LRP11: variants seen among roughly 807,000 people sequenced by gnomAD.
The protein encoded by LRP11 is LDL receptor related protein 11.
LRP11 carries 25 observed loss-of-function variants against 43.1 expected under a neutral mutation model. The observed-to-expected ratio is 0.58, with a 90% CI of 0.42 to 0.81. LRP11 has a LOEUF of 0.81. LRP11 is among the 30% of genes least tolerant of loss of function. The probability of loss-of-function intolerance (pLI) is 0.00; values close to 1 mark genes in which losing one functional copy is unlikely to be tolerated. For synonymous variants in LRP11, 316 were observed against 299.4 expected (o/e 1.06, Z -0.57); for missense variants, 623 against 665.1 (o/e 0.94, Z 0.70).
At chr6:149,833,180 G>A (rs534596382) in intron 5 of LRP11, among the ~76,000 whole-genome samples, 11 of 152,076 alleles carry the variant, frequency 7.2e-5, no homozygotes, top group Admixed American at 2.6e-4. Context: ...CTCATGATCC[G>A]CCCACCTCGG....
At chr6:149,859,396 A>ATATATATATATT in intron 1 of LRP11, among the ~76,000 whole-genome samples, 8 of 71,496 alleles carry the variant, frequency 1.1e-4, no homozygotes, top group Admixed American at 5.1e-4. Context: ...ATATATATAT[A>ATATATATATATT]TTTTTTTTTT....
chr6:149,853,082 C>A lies in LRP11; in HGVS notation c.692G>T (p.Gly231Val). Residue 231 changes from glycine to valine, a missense_variant, in exon 2 of 7, where the codon GGC becomes GTC. By Grantham distance (109) the Gly-to-Val change is moderately radical. Coordinates refer to ENST00000239367, the MANE Select transcript of LRP11 (RefSeq NM_032832.6). ...GGCGTGGTCATCTGTGCTCTCGCGG[C>A]CGTCTAGAACCACCCCGTCTGTGGG... ...HLPTDGVVLDGRESTDDHAIV... is the reference protein window; with the variant it reads ...HLPTDGVVLDVRESTDDHAIV... 6.2e-7 allele frequency: 1 copy of A among 1,612,608 alleles called. No individual in the cohort carries two copies. Among genetic ancestry groups the A allele is most frequent in the Non-Finnish European group, 8.5e-7 (1 of 1,179,284 alleles).
chr6:149,828,455 G>A (rs1272157897), intron 5 of LRP11, among the ~76,000 whole-genome samples: 1 of 151,202 alleles, frequency 6.6e-6, no homozygotes, highest in East Asian at 1.9e-4. Flanking sequence ...ATCTCATGGT[G>A]TTGATATCCA....
chr6:149,859,392 A>ATTTTTTT (rs1379449979), intron 1 of LRP11, among the ~76,000 whole-genome samples: 40 of 76,772 alleles, frequency 5.2e-4, no homozygotes, highest in African/African-American at 3.3e-3. Flanking sequence ...ATATATATAT[A>ATTTTTTT]TATATTTTTT....
At chr6:149,853,431 T>A (rs1776753662) in intron 1 of LRP11, among the ~76,000 whole-genome samples, 1 of 152,210 alleles carries the variant, frequency 6.6e-6, no homozygotes, top group Admixed American at 6.5e-5. Context: ...AGAAGCAGTT[T>A]TATTTTCTAG....
intron 6 of LRP11, among the ~76,000 whole-genome samples, chr6:149,821,369 CAT>C (rs1776276411): frequency 1.3e-5 from 2 of 152,292 alleles, no homozygotes; most frequent in South Asian, 4.1e-4. Flanking sequence ...TTGTTGTAGT[CAT>C]TGACTATATT....
intron 6 of LRP11, 96 bp from the exon 7 acceptor site, chr6:149,820,799 T>A: frequency 1.5e-6 from 1 of 647,902 alleles, no homozygotes; most frequent in South Asian, 1.8e-5. Context: ...TGCACTATTT[T>A]ATTTAATCCA....
At chr6:149,832,787 A>AT (rs1191053689) in intron 5 of LRP11, among the ~76,000 whole-genome samples, 3 of 151,264 alleles carry the variant, frequency 2.0e-5, no homozygotes. Context: ...TGCCCGGCTA[A>AT]TTTTTTGTAT....
chr6:149,858,896 A>G lies in LRP11; in HGVS notation c.613+4512T>C, dbSNP rs1329061287. Among the ~76,000 whole-genome samples, 5 of 152,338 alleles carry G rather than the reference A, an allele frequency of 3.3e-5. No individual in the cohort carries two copies. The East Asian group carries it at 9.6e-4, about 29-fold the overall frequency. ...ATGATTTTCCTAAAAAATATTCCAG[A>G]AGTATGAATATTTTAATGGTTTCTG... On this transcript the variant is annotated intron_variant, in intron 1 of 6. Coordinates refer to ENST00000239367, the MANE Select transcript of LRP11 (RefSeq NM_032832.6).
intron 1 of LRP11, among the ~76,000 whole-genome samples, chr6:149,860,059 T>C (rs188936014): frequency 1.1e-4 from 17 of 152,278 alleles, no homozygotes; most frequent in African/African-American, 3.8e-4. Context: ...AAGATAAGAA[T>C]GTGAGAAAGT....
intron 6 of LRP11, among the ~76,000 whole-genome samples, chr6:149,825,851 A>G (rs1180634628): frequency 2.6e-5 from 4 of 152,022 alleles, no homozygotes; most frequent in African/African-American, 2.4e-5. Context: ...ATTTTGCCAT[A>G]TTGCCCAGGC....
rs1219222351 is a variant in LRP11 at position 149,853,153 on chromosome 6, A to G, written c.621T>C (p.Asp207=). 1 of 1,564,348 alleles carries G rather than the reference A, an allele frequency of 6.4e-7. No homozygotes were observed. The highest frequency in any genetic ancestry group is 1.4e-5 in the African/African-American group (1 of 72,092). ...TARASPRQEK[D]APPLSKAGQD... The stretch of plus-strand genomic sequence containing the variant: ...GCCCAGCCTTGCTAAGTGGAGGCGC[A>G]TCCTTTTCTGAGAAAGAAAATAAAT... The change falls in exon 2 of 7, where the codon GAT becomes GAC. Residue 207 remains aspartate, a synonymous_variant. Transcript: ENST00000239367.
chr6:149,823,249 G>A (rs1776299017), intron 6 of LRP11, among the ~76,000 whole-genome samples: 1 of 152,128 alleles, frequency 6.6e-6, no homozygotes, highest in Non-Finnish European at 1.5e-5. Flanking sequence ...TTTAGCAATT[G>A]GTAATTCATT....
At position 149,827,110 on chromosome 6, in the gene LRP11, G is replaced by A. The variant is rs1045940427; in HGVS notation, c.1253-751C>T. On this transcript the variant is annotated intron_variant, in intron 5 of 6. Coordinates refer to ENST00000239367, the MANE Select transcript of LRP11 (RefSeq NM_032832.6). The surrounding 1 kb of genome is among the most constrained non-coding windows in gnomAD (Gnocchi z 4.2). ...GCCTCCCGAGTAGCTGGGATTACAG[G>A]TGCGTGCCACCATGCCTCGCTAATT... 2.6e-5 allele frequency among the ~76,000 whole-genome samples: 4 copies of A among 151,956 alleles called. No individual in the cohort carries two copies. The highest frequency in any genetic ancestry group is 9.7e-5 in the African/African-American group (4 of 41,362).
intron 2 of LRP11, among the ~76,000 whole-genome samples, chr6:149,848,529 C>T (rs1776673042): frequency 6.6e-6 from 1 of 152,264 alleles, no homozygotes; most frequent in African/African-American, 2.4e-5. Context: ...TACATATACA[C>T]CATGGAATAC....
At chr6:149,859,396 A>ATATATATATATTTTTTTTTTTTTTTTT in intron 1 of LRP11, among the ~76,000 whole-genome samples, 2 of 71,494 alleles carry the variant, frequency 2.8e-5, no homozygotes, top group Admixed American at 1.7e-4. Flanking sequence ...ATATATATAT[A>ATATATATATATTTTTTTTTTTTTTTTT]TTTTTTTTTT....
In LRP11 at chr6:149,827,312, A is replaced by G. The variant is rs1252722592; in HGVS notation, c.1253-953T>C. ...GCAATGAATTAGAAATAATCTACTGACAAATTTTATTGAGAAAATTTTTAA... is the reference window on the plus strand; with the variant it reads ...GCAATGAATTAGAAATAATCTACTGGCAAATTTTATTGAGAAAATTTTTAA... On this transcript the variant is annotated intron_variant, in intron 5 of 6. Transcript: ENST00000239367. This position sits in a 1 kb window ranked among gnomAD's most constrained non-coding sequence, Gnocchi z 4.2. Among the ~76,000 whole-genome samples, 1 of 152,256 alleles carries G rather than the reference A, an allele frequency of 6.6e-6. No individual in the cohort carries two copies. Among genetic ancestry groups the G allele is most frequent in the Non-Finnish European group, 1.5e-5 (1 of 68,044 alleles).
intron 1 of LRP11, among the ~76,000 whole-genome samples, chr6:149,855,697 C>T (rs1776787400): frequency 3.7e-5 from 5 of 134,922 alleles, no homozygotes; most frequent in South Asian, 4.5e-4. Flanking sequence ...GGGAAGATGC[C>T]TTTTTTTTTT....
chr6:149,853,252 G>A (rs534427210), intron 1 of LRP11, 92 bp from the exon 2 acceptor site: 15 of 953,432 alleles, frequency 1.6e-5, no homozygotes, highest in East Asian at 5.8e-5. Context: ...GATATGATTC[G>A]GCAAATAACT....
Sources: allele counts gnomAD v4.1 joint callset (sites outside exome capture counted in the v4.1 genomes callset), GRCh38; gene constraint gnomAD v4.1.1; non-coding constraint Gnocchi (gnomAD v3.1); transcripts MANE v1.5; gene names NCBI Gene and HGNC (gene_info 2026-07-23, HGNC 2026-07-21).